The following USP10 variants were observed in gnomAD, a reference collection of about 807,000 sequenced individuals.
USP10 encodes ubiquitin specific peptidase 10, also known as ubiquitin carboxyl-terminal hydrolase 10.
Under a neutral mutation model 84.5 loss-of-function variants are expected in USP10, and 22 were observed. The ratio of observed to expected loss-of-function variants is 0.26; its 90% CI spans 0.19 to 0.37. The LOEUF is 0.37. Among genes scored for constraint, USP10 ranks in the 10% least tolerant of loss-of-function variants. The pLI is 1.00. For missense variants in USP10, 1,019 were observed against 998.9 expected (o/e 1.02, Z -0.27); for synonymous variants, 454 against 387.6 (o/e 1.17, Z -2.01).
chr16:84,706,092 G>T (rs1287427555), intron 1 of USP10, among the ~76,000 whole-genome samples: 7 of 152,114 alleles, frequency 4.6e-5, no homozygotes, highest in Non-Finnish European at 1.0e-4. Flanking sequence ...GTGTTTCCCA[G>T]GCTGGTCTTG....
chr16:84,739,623 T>C (rs1910388020), intron 2 of USP10, among the ~76,000 whole-genome samples: 1 of 152,214 alleles, frequency 6.6e-6, no homozygotes, highest in Admixed American at 6.5e-5. Context: ...CATTTCCAAC[T>C]CTTAAATAAA....
intron 3 of USP10, among the ~76,000 whole-genome samples, chr16:84,744,271 A>T (rs1204088443): frequency 6.6e-6 from 1 of 152,190 alleles, no homozygotes; most frequent in Non-Finnish European, 1.5e-5. Flanking sequence ...TCCAAAATAC[A>T]TATTCCTTTA....
intron 13 of USP10, among the ~76,000 whole-genome samples, chr16:84,775,878 T>C (rs1293591730): frequency 1.7e-5 from 2 of 115,862 alleles, no homozygotes; most frequent in Non-Finnish European, 4.0e-5. Flanking sequence ...CTTTCTCTTT[T>C]ATAGCGTCAT....
At chr16:84,750,743 A>C (rs1319521945) in intron 4 of USP10, among the ~76,000 whole-genome samples, 1 of 152,222 alleles carries the variant, frequency 6.6e-6, no homozygotes, top group African/African-American at 2.4e-5. Flanking sequence ...TTTTAACAGA[A>C]TATAAATAAT....
At chr16:84,709,871 T>C (rs374580989) in intron 1 of USP10, among the ~76,000 whole-genome samples, 3 of 152,084 alleles carry the variant, frequency 2.0e-5, no homozygotes, top group East Asian at 3.9e-4. Context: ...GTGGCTGAAA[T>C]GGTGTGTAGG....
At chr16:84,764,374 G>A in intron 10 of USP10, 111 bp downstream of exon 10, 1 of 1,421,036 alleles carries the variant, frequency 7.0e-7, no homozygotes, top group South Asian at 1.2e-5. Context: ...GTAATGGTTT[G>A]CATCTTGCTC....
In USP10 at chr16:84,744,783, C is replaced by G. The variant is rs1911010084; in HGVS notation, c.302C>G (p.Pro101Arg). The G allele has an allele frequency of 6.2e-7, 1 of 1,613,636 alleles. No homozygotes were observed. The highest frequency in any genetic ancestry group is 1.3e-5 in the African/African-American group (1 of 74,904). Residue 101 changes from proline to arginine, a missense_variant, in exon 4 of 14, where the codon CCT (proline) becomes CGT (arginine). By Grantham distance (103) the Pro-to-Arg change is moderately radical. Coordinates refer to ENST00000219473, the MANE Select transcript of USP10 (RefSeq NM_005153.3). ...ILGCTASKITPDGITKEASYG... is the reference protein window; with the variant it reads ...ILGCTASKITRDGITKEASYG... ...GGTTGTACAGCTTCCAAAATAACCC[C>G]TGATGGTATCACTAAAGAAGCAAGC...
At chr16:84,774,432 G>C (rs1567654693) in intron 12 of USP10, among the ~76,000 whole-genome samples, 1 of 152,050 alleles carries the variant, frequency 6.6e-6, no homozygotes, top group African/African-American at 2.4e-5. Context: ...TTCCTATTTG[G>C]AGAAATCATG....
At chr16:84,705,715 C>CTTTTTTTTTTTTT (rs1034372044) in intron 1 of USP10, among the ~76,000 whole-genome samples, 1 of 71,284 alleles carries the variant, frequency 1.4e-5, no homozygotes, top group Non-Finnish European at 2.4e-5. Context: ...CCCTTGCTTG[C>CTTTTTTTTTTTTT]TTTTTTTTTT....
intron 8 of USP10, among the ~76,000 whole-genome samples, 158 bp from the exon 9 acceptor site, chr16:84,762,831 C>A (rs1913366015): frequency 2.0e-5 from 3 of 152,182 alleles, no homozygotes; most frequent in Admixed American, 1.3e-4. Context: ...GGGATTTCAG[C>A]TATGCAAGGG....
At chr16:84,733,622 T>TA in intron 2 of USP10, 119 bp downstream of exon 2, 1 of 667,656 alleles carries the variant, frequency 1.5e-6, no homozygotes, top group Non-Finnish European at 2.4e-6. Flanking sequence ...TGGAGACTAA[T>TA]ATGAGAAATG....
intron 2 of USP10, among the ~76,000 whole-genome samples, chr16:84,735,213 GT>G (rs376656490): frequency 3.2e-5 from 2 of 63,080 alleles, no homozygotes; most frequent in African/African-American, 6.9e-5. Flanking sequence ...GTGTGTGTGT[GT>G]GTGTGTGTGT....
chr16:84,720,207 T>A (rs1234769601), intron 1 of USP10, among the ~76,000 whole-genome samples: 1 of 152,188 alleles, frequency 6.6e-6, no homozygotes, highest in African/African-American at 2.4e-5. Flanking sequence ...TTTTCATGGA[T>A]GTCCTTTAAG....
intron 1 of USP10, among the ~76,000 whole-genome samples, chr16:84,702,684 A>C (rs1004684379): frequency 5.3e-5 from 8 of 152,134 alleles, no homozygotes; most frequent in African/African-American, 1.7e-4. Context: ...TGGGAGGTGG[A>C]AAAAGTTACA....
At chr16:84,720,969 C>T (rs996654124) in intron 1 of USP10, among the ~76,000 whole-genome samples, 2 of 150,016 alleles carry the variant, frequency 1.3e-5, no homozygotes, top group Non-Finnish European at 3.0e-5. Context: ...TCTCAGCTCA[C>T]GGCAACCTCC....
At chr16:84,720,490 A>AAGT (rs1171127360) in intron 1 of USP10, among the ~76,000 whole-genome samples, 4 of 151,990 alleles carry the variant, frequency 2.6e-5, no homozygotes, top group African/African-American at 7.2e-5. Context: ...GAATAATCTG[A>AAGT]AGTGACTGAG....
chr16:84,754,034 C>G (rs1007246792), intron 4 of USP10, among the ~76,000 whole-genome samples: 3 of 152,132 alleles, frequency 2.0e-5, no homozygotes, highest in Non-Finnish European at 4.4e-5. Flanking sequence ...CCACCAAGTC[C>G]TGTTACCTTA....
At chr16:84,732,604 G>A (rs1909387036) in intron 1 of USP10, 3 of 306,306 alleles carry the variant, frequency 9.8e-6, no homozygotes, top group South Asian at 2.4e-5. Flanking sequence ...ACGCCACCAC[G>A]CCTGGCTAAT....
At chr16:84,777,947 C>T (rs1915184988) in intron 13 of USP10, among the ~76,000 whole-genome samples, 1 of 152,244 alleles carries the variant, frequency 6.6e-6, no homozygotes, top group Non-Finnish European at 1.5e-5. Flanking sequence ...GCTGGCCAGG[C>T]AGACCTGTGC....
Sources: gnomAD v4.1 joint callset for allele counts (sites outside exome capture counted in the v4.1 genomes callset) on GRCh38, gnomAD v4.1.1 for gene constraint, MANE v1.5 for transcripts, NCBI Gene and HGNC (gene_info 2026-07-23, HGNC 2026-07-21) for gene names.